The following AQR variants were observed in gnomAD, a reference collection of about 807,000 sequenced individuals.
AQR encodes aquarius intron-binding spliceosomal factor, also known as RNA helicase aquarius.
In AQR, 61 loss-of-function variants were observed where a neutral mutation model predicts 180.5. The observed-to-expected ratio is 0.34, with a 90% CI of 0.28 to 0.42. AQR has a LOEUF of 0.42. AQR is among the 10% of genes least tolerant of loss of function. The probability of loss-of-function intolerance (pLI) is 1.00; values close to 1 mark genes in which losing one functional copy is unlikely to be tolerated. For synonymous variants in AQR, 551 were observed against 588.8 expected (o/e 0.94, Z 0.93); for missense variants, 1,281 against 1,798.3 (o/e 0.71, Z 5.20).
intron 33 of AQR, 66 bp downstream of exon 33, chr15:34,862,797 TCACC>T: frequency 6.6e-7 from 1 of 1,508,284 alleles, no homozygotes; most frequent in East Asian, 2.3e-5. Flanking sequence ...GCTAATGTGG[TCACC>T]TATAAGAAAA....
intron 34 of AQR, among the ~76,000 whole-genome samples, chr15:34,857,372 C>G (rs1253131534): frequency 6.6e-6 from 1 of 152,196 alleles, no homozygotes; most frequent in Non-Finnish European, 1.5e-5. Context: ...AAGCAACATA[C>G]TTTGCTGTCA....
chr15:34,941,281 T>G (rs970866073), intron 7 of AQR, among the ~76,000 whole-genome samples: 1 of 152,198 alleles, frequency 6.6e-6, no homozygotes, highest in Non-Finnish European at 1.5e-5. Flanking sequence ...GTCTGAAAAA[T>G]ATATGCATCA....
chr15:34,967,912 C>G (rs1359633961), intron 1 of AQR, among the ~76,000 whole-genome samples: 1 of 151,920 alleles, frequency 6.6e-6, no homozygotes, highest in Non-Finnish European at 1.5e-5. Flanking sequence ...CTCCCGGGTT[C>G]AAGCAATTCT....
intron 13 of AQR, among the ~76,000 whole-genome samples, chr15:34,921,338 G>T (rs915640150): frequency 4.0e-5 from 6 of 150,894 alleles, no homozygotes; most frequent in Admixed American, 1.3e-4. Context: ...GGAGGCTGAG[G>T]CAGGAGAATC....
At chr15:34,894,954 C>G (rs969286518) in intron 22 of AQR, among the ~76,000 whole-genome samples, 8 of 150,994 alleles carry the variant, frequency 5.3e-5, no homozygotes, top group African/African-American at 1.9e-4. Context: ...CACTTGAGGC[C>G]AGGAGTTCAA....
chr15:34,930,439 A>T, intron 11 of AQR, 68 bp from the exon 12 acceptor site: 5 of 854,964 alleles, frequency 5.8e-6, no homozygotes, highest in Non-Finnish European at 9.5e-6. Flanking sequence ...TACTGTTTAA[A>T]ATAATAAACA....
rs772453452 is a variant in AQR at position 34,927,020 on chromosome 15, T to C, written c.1118+15A>G. The C allele has an allele frequency of 6.9e-7, 1 of 1,453,966 alleles. No individual in the cohort carries two copies. Among genetic ancestry groups the C allele is most frequent in the Non-Finnish European group, 9.3e-7 (1 of 1,072,664 alleles). 90.1% of individuals were successfully genotyped at this position (1,453,966 alleles called of 1,614,324 possible). ...GATACAAAAAAAGAATATATAGTTT[T>C]TCATGTTGTCTTACCTAAGAGGTCC... is the stretch of plus-strand genomic sequence containing the variant. On this transcript the variant is annotated intron_variant, in intron 13 of 34. Transcript: ENST00000156471.
rs370013725 is a variant in AQR, at chr15:34,868,532, C to T, written c.3769-923G>A. 24 of 152,252 alleles carry T rather than the reference C, an allele frequency of 1.6e-4. 6 individuals carry two copies. Among genetic ancestry groups the T allele is most frequent in the East Asian group, 3.9e-4 (2 of 5,184 alleles). The allele number at this position is 152,252 out of a possible 1,614,324, so 9.4% of individuals were successfully genotyped here. A position where few individuals can be genotyped will look rare whatever the true frequency, so the allele number is the denominator to read the frequency against. On this transcript the variant is annotated intron_variant, in intron 31 of 34. Coordinates refer to ENST00000156471, the MANE Select transcript of AQR (RefSeq NM_014691.3). ...TACAAAACACTTTTTAAGTCAACTA[C>T]ATGGAGGTATAGTTTATACACAATA...
intron 12 of AQR, among the ~76,000 whole-genome samples, chr15:34,927,639 ATAG>A (rs1893784666): frequency 1.3e-5 from 2 of 152,352 alleles, no homozygotes; most frequent in East Asian, 3.9e-4. Context: ...GAAAACAGAA[ATAG>A]TAGTATTGCA....
chr15:34,863,177 T>C (rs1310239483), intron 32 of AQR, 136 bp from the exon 33 acceptor site: 3 of 768,046 alleles, frequency 3.9e-6, no homozygotes, highest in Non-Finnish European at 6.0e-6. Flanking sequence ...AAAAACTTAA[T>C]AGAAGTTAAT....
At chr15:34,891,885 A>T (rs1225503663) in intron 23 of AQR, among the ~76,000 whole-genome samples, 1 of 152,174 alleles carries the variant, frequency 6.6e-6, no homozygotes, top group Non-Finnish European at 1.5e-5. Flanking sequence ...TATGTATAAC[A>T]TATATTCAGT....
At chr15:34,910,643 A>G (rs1385988382) in intron 16 of AQR, among the ~76,000 whole-genome samples, 1 of 152,216 alleles carries the variant, frequency 6.6e-6, no homozygotes, top group Non-Finnish European at 1.5e-5. Flanking sequence ...CCATTTTATC[A>G]AAGAAATAAA....
At chr15:34,863,934 T>C (rs543714152) in intron 32 of AQR, among the ~76,000 whole-genome samples, 1 of 152,162 alleles carries the variant, frequency 6.6e-6, no homozygotes, top group South Asian at 2.1e-4. Flanking sequence ...ATTTAAATTT[T>C]TGAGTACTCT....
At chr15:34,969,449 C>T in intron 1 of AQR, 90 bp downstream of exon 1, 1 of 1,370,828 alleles carries the variant, frequency 7.3e-7, no homozygotes, top group Non-Finnish European at 1.0e-6. Flanking sequence ...CTCCTCCGGA[C>T]TCCTAAATCC....
chr15:34,969,446 G>A (rs187078083), intron 1 of AQR, 93 bp downstream of exon 1: 32 of 1,310,708 alleles, frequency 2.4e-5, no homozygotes, highest in African/African-American at 1.0e-4. Context: ...TGCCTCCTCC[G>A]GACTCCTAAA....
At chr15:34,965,490 G>A (rs773935804) in intron 1 of AQR, among the ~76,000 whole-genome samples, 10 of 152,082 alleles carry the variant, frequency 6.6e-5, no homozygotes, top group South Asian at 4.1e-4. Flanking sequence ...GGCCAACATC[G>A]TGAAACCCCA....
chr15:34,900,317 A>G (rs1159594864), intron 20 of AQR, among the ~76,000 whole-genome samples: 1 of 152,238 alleles, frequency 6.6e-6, no homozygotes, highest in East Asian at 1.9e-4. Context: ...ACTATGCATA[A>G]CTGCCAAGAC....
Position 34,944,422 on chromosome 15 carries a change from T to C in AQR, c.337A>G (p.Lys113Glu). 6.3e-7 allele frequency: 1 copy of C among 1,592,204 alleles called. No homozygotes were observed. Among genetic ancestry groups the C allele is most frequent in the African/African-American group, 1.4e-5 (1 of 73,550 alleles). ...AATGGGAAGTGGTCTGGCTTCTTCT[T>C]AAAAATCTGAAAAGAAACAGAATAA... ...RENVPAWEIF[K>E]KKPDHFPFFF... The change falls in exon 6 of 35, where the codon AAG becomes GAG. Residue 113 changes from lysine to glutamate, a missense_variant. By Grantham distance (56) the Lys-to-Glu change is moderately conservative. Transcript: ENST00000156471.
rs34949352 is a variant in AQR, at chr15:34,882,465, T to TAAAAAAAAAAAAAAAAAAAAAAAA, written c.3165+36_3165+37insTTTTTTTTTTTTTTTTTTTTTTTT. On this transcript the variant is annotated intron_variant, in intron 27 of 34. Transcript: ENST00000156471. ...GAAGTGAGCCAATCTCTGATAATCT[T>TAAAAAAAAAAAAAAAAAAAAAAAA]AAAAAAAAAAAAAAAAAAACTACCA... The TAAAAAAAAAAAAAAAAAAAAAAAA allele has an allele frequency of 3.3e-6, 4 of 1,200,498 alleles. No homozygotes were observed. The African/African-American group carries it at 5.5e-5, about 17-fold the overall frequency. The allele number at this position is 1,200,498 out of a possible 1,614,324, so 74.4% of individuals were successfully genotyped here.
Sources: allele counts gnomAD v4.1 joint callset (sites outside exome capture counted in the v4.1 genomes callset), GRCh38; gene constraint gnomAD v4.1.1; transcripts MANE v1.5; gene names NCBI Gene and HGNC (gene_info 2026-07-23, HGNC 2026-07-21).